Variants in PSME4 observed in about 807,000 individuals in gnomAD.
The protein encoded by PSME4 is proteasome activator complex subunit 4.
Under a neutral mutation model 253.9 loss-of-function variants are expected in PSME4, and 89 were observed. That is an observed-to-expected ratio of 0.35 (90% CI 0.30 to 0.42). The LOEUF is 0.42. Ranked by LOEUF, PSME4 falls within the 10% of genes least tolerant of loss-of-function variation. The pLI is 1.00. For missense variants in PSME4, 2,014 were observed against 2,195.2 expected (o/e 0.92, Z 1.65); for synonymous variants, 851 against 759.2 (o/e 1.12, Z -1.99).
At chr2:53,899,599 C>T (rs916190753) in intron 29 of PSME4, among the ~76,000 whole-genome samples, 20 of 151,810 alleles carry the variant, frequency 1.3e-4, no homozygotes, top group African/African-American at 4.8e-4. Context: ...GGGCAGATCA[C>T]TTGAGGCCAG....
chr2:53,925,516 A>AT, intron 14 of PSME4, 23 bp downstream of exon 14: 1 of 1,488,728 alleles, frequency 6.7e-7, no homozygotes, highest in Non-Finnish European at 9.0e-7. Flanking sequence ...CTGGAAGTTT[A>AT]TTTTTTGCAG....
At chr2:53,967,568 G>A (rs1670795970) in intron 1 of PSME4, among the ~76,000 whole-genome samples, 1 of 148,448 alleles carries the variant, frequency 6.7e-6, no homozygotes, top group South Asian at 2.2e-4. Context: ...TTTGAACCAG[G>A]GAGGTGGAGG....
chr2:53,949,096 T>C (rs760342358), intron 2 of PSME4, 47 bp downstream of exon 2: 3 of 1,505,616 alleles, frequency 2.0e-6, no homozygotes, highest in African/African-American at 1.4e-5. Context: ...CCTAAAACCC[T>C]GAAGAAACAA....
intron 1 of PSME4, among the ~76,000 whole-genome samples, chr2:53,953,131 C>A (rs1670073307): frequency 6.6e-6 from 1 of 152,150 alleles, no homozygotes; most frequent in Non-Finnish European, 1.5e-5. Context: ...TCCTCGCCAA[C>A]CAGCAAGTGG....
intron 30 of PSME4, 65 bp from the exon 31 acceptor site, chr2:53,898,064 TG>T: frequency 6.6e-7 from 1 of 1,511,586 alleles, no homozygotes; most frequent in Non-Finnish European, 9.0e-7. Flanking sequence ...AAAAACTGTA[TG>T]TGAAACACCT....
At chr2:53,889,295 G>T (rs537014327) in intron 37 of PSME4, among the ~76,000 whole-genome samples, 9 of 152,244 alleles carry the variant, frequency 5.9e-5, no homozygotes, top group African/African-American at 1.9e-4. Context: ...TATGAAAATG[G>T]TGTAGTATTT....
Position 53,948,688 on chromosome 2 carries a change from T to C in PSME4, c.384-151A>G, listed in dbSNP as rs1347746611. On this transcript the variant is annotated intron_variant, in intron 2 of 46. Coordinates refer to ENST00000404125, the MANE Select transcript of PSME4 (RefSeq NM_014614.3). ...ATGGCCACTCACTAGCAGAACATAG[T>C]ATTAAGAAGAATAATGCACCCAATT... 6.7e-6 allele frequency: 4 copies of C among 600,496 alleles called. No individual in the cohort carries two copies. In the South Asian group the frequency reaches 6.8e-5, roughly 10 times the overall value. 37.2% of individuals were successfully genotyped at this position (600,496 alleles called of 1,614,324 possible). A position where few individuals can be genotyped will look rare whatever the true frequency, so the allele number is the denominator to read the frequency against.
intron 4 of PSME4, 113 bp downstream of exon 4, chr2:53,939,843 C>T (rs910485726): frequency 9.4e-6 from 8 of 855,020 alleles, no homozygotes; most frequent in Middle Eastern, 2.4e-4. Flanking sequence ...CAGTGACTAA[C>T]ATCACAATGT....
chr2:53,970,992 C>G lies in PSME4; in HGVS notation c.-208G>C. ...TTCGTTGGCGGCGGCAGCGGCCGCT[C>G]TGCCCGCCCCGCACCGGCTCTGCTG... On this transcript the variant is annotated 5_prime_UTR_variant, in exon 1 of 47. Coordinates refer to ENST00000404125, the MANE Select transcript of PSME4 (RefSeq NM_014614.3). The G allele has an allele frequency of 2.2e-6, 1 of 458,508 alleles. No individual in the cohort carries two copies. Among genetic ancestry groups the G allele is most frequent in the East Asian group, 3.7e-5 (1 of 26,946 alleles). 28.4% of individuals were successfully genotyped at this position (458,508 alleles called of 1,614,324 possible). A position where few individuals can be genotyped will look rare whatever the true frequency, so the allele number is the denominator to read the frequency against.
intron 3 of PSME4, among the ~76,000 whole-genome samples, chr2:53,942,600 CT>C (rs1160385103): frequency 2.6e-5 from 4 of 151,950 alleles, no homozygotes; most frequent in Non-Finnish European, 4.4e-5. Context: ...GCAATAATAC[CT>C]ACCTCTCATA....
chr2:53,867,284 G>C (rs805380), intron 44 of PSME4, among the ~76,000 whole-genome samples: 81,642 of 151,854 alleles, frequency 0.54, 22,224 homozygotes, highest in East Asian at 0.7. Flanking sequence ...GCGGGTGGAT[G>C]ACCTGAGGTC....
At chr2:53,941,778 A>G (rs1191954299) in intron 3 of PSME4, among the ~76,000 whole-genome samples, 1 of 152,152 alleles carries the variant, frequency 6.6e-6, no homozygotes, top group African/African-American at 2.4e-5. Context: ...CATAAGATAC[A>G]TAATTCTATC....
intron 42 of PSME4, 121 bp from the exon 43 acceptor site, chr2:53,874,615 G>T (rs1679038037): frequency 3.0e-6 from 3 of 1,001,552 alleles, no homozygotes; most frequent in African/African-American, 1.7e-5. Context: ...CACAGGTATA[G>T]TTAGGACAAG....
At chr2:53,887,206 G>A in intron 40 of PSME4, 53 bp downstream of exon 40, 1 of 1,487,228 alleles carries the variant, frequency 6.7e-7, no homozygotes, top group Non-Finnish European at 9.4e-7. Flanking sequence ...AAACTCTACA[G>A]GATAATCAAA....
chr2:53,951,267 G>C (rs1669977010), intron 1 of PSME4, among the ~76,000 whole-genome samples: 1 of 152,198 alleles, frequency 6.6e-6, no homozygotes, highest in Admixed American at 6.5e-5. Flanking sequence ...AATTTTAGTA[G>C]AGATGGGGTT....
At position 53,927,394 on chromosome 2, in the gene PSME4, T is replaced by A; in HGVS notation, c.1593A>T (p.Glu531Asp). ...TTTTATAACCATAAAATACCCTTAC[T>A]TCTGTGAGGTCATTTCTTTCTTGTA... ...SVLQERNDLT[E>D]VERELCSATA... The change falls in exon 12 of 47, where the codon GAA becomes GAT. Residue 531 changes from glutamate to aspartate, a missense_variant and splice_region_variant. Coordinates refer to ENST00000404125, the MANE Select transcript of PSME4 (RefSeq NM_014614.3). 1 of 1,549,478 alleles carries A rather than the reference T, an allele frequency of 6.5e-7. No homozygotes were observed. Among genetic ancestry groups the A allele is most frequent in the Non-Finnish European group, 8.9e-7 (1 of 1,121,342 alleles).
chr2:53,953,231 T>A (rs1670078582), intron 1 of PSME4, among the ~76,000 whole-genome samples: 1 of 152,120 alleles, frequency 6.6e-6, no homozygotes, highest in African/African-American at 2.4e-5. Context: ...AATTAATAAA[T>A]TGGTCTTTAT....
At chr2:53,902,753 T>C (rs566852273) in intron 27 of PSME4, among the ~76,000 whole-genome samples, 1 of 152,328 alleles carries the variant, frequency 6.6e-6, no homozygotes, top group African/African-American at 2.4e-5. Flanking sequence ...ACTACTCTTC[T>C]CTGCCACTGT....
chr2:53,934,527 T>C, intron 8 of PSME4, 78 bp downstream of exon 8: 1 of 1,443,748 alleles, frequency 6.9e-7, no homozygotes, highest in Non-Finnish European at 9.4e-7. Flanking sequence ...TATCAACTTC[T>C]GCGACTATCC....
Sources: gnomAD v4.1 joint callset for allele counts (sites outside exome capture counted in the v4.1 genomes callset) on GRCh38, gnomAD v4.1.1 for gene constraint, MANE v1.5 for transcripts, NCBI Gene and HGNC (gene_info 2026-07-23, HGNC 2026-07-21) for gene names.